The following HEBP1 variants were observed in gnomAD, a reference collection of about 807,000 sequenced individuals.
The protein encoded by HEBP1 is heme-binding protein 1.
Under a neutral mutation model 20.4 loss-of-function variants are expected in HEBP1, and 13 were observed. The ratio of observed to expected loss-of-function variants is 0.64; its 90% CI spans 0.42 to 1.01. The LOEUF (loss-of-function observed/expected upper bound fraction) is 1.01, where lower values mean the gene tolerates loss of function less well. Among genes scored for constraint, HEBP1 ranks in the 50% least tolerant of loss-of-function variants. The pLI is 0.00. For missense variants in HEBP1, 241 were observed against 247.3 expected (o/e 0.97, Z 0.17); for synonymous variants, 92 against 90.7 (o/e 1.01, Z -0.08).
chr12:12,987,839 G>A (rs893317278), intron 2 of HEBP1, among the ~76,000 whole-genome samples: 17 of 152,074 alleles, frequency 1.1e-4, no homozygotes, highest in Admixed American at 1.1e-3. Context: ...GTTTTGCCAT[G>A]TTGGCCAGGC....
chr12:12,988,991 T>TA (rs140951661), intron 2 of HEBP1, among the ~76,000 whole-genome samples: 36 of 150,344 alleles, frequency 2.4e-4, no homozygotes, highest in South Asian at 8.5e-4. Context: ...ACTGCAGGGT[T>TA]AAAAAAAAAA....
intron 1 of HEBP1, 101 bp from the exon 2 acceptor site, chr12:12,989,516 A>G: frequency 9.0e-7 from 1 of 1,105,982 alleles, no homozygotes; most frequent in Non-Finnish European, 1.3e-6. Context: ...CTTGGTGGGT[A>G]TGGCCATAGA....
At chr12:12,991,139 C>T (rs1864220180) in intron 1 of HEBP1, among the ~76,000 whole-genome samples, 1 of 152,216 alleles carries the variant, frequency 6.6e-6, no homozygotes, top group South Asian at 2.1e-4. Context: ...CATTACAATT[C>T]CCCTGTCTTG....
Position 12,998,590 on chromosome 12 carries a change from T to C in HEBP1, c.78+1447A>G, listed in dbSNP as rs1483821054. On this transcript the variant is annotated intron_variant, in intron 1 of 3. Transcript: ENST00000014930. This position sits in a 1 kb window ranked among gnomAD's most constrained non-coding sequence, Gnocchi z 4.2. The stretch of plus-strand genomic sequence containing the variant: ...TCAGGGCTAAACTGTTCATTCTACA[T>C]AGAGCTGGGGAAACGGAGATAAGAA... 1.3e-5 allele frequency among the ~76,000 whole-genome samples: 2 copies of C among 152,180 alleles called. No homozygotes were observed. The highest frequency in any genetic ancestry group is 6.5e-5 in the Admixed American group (1 of 15,286).
chr12:12,982,209 A>G (rs1864094601), intron 3 of HEBP1, among the ~76,000 whole-genome samples: 2 of 152,230 alleles, frequency 1.3e-5, no homozygotes, highest in South Asian at 4.1e-4. Flanking sequence ...GGAGAGGGCA[A>G]TAAATAAATG....
intron 1 of HEBP1, among the ~76,000 whole-genome samples, chr12:12,995,061 T>C (rs1864274344): frequency 1.3e-5 from 2 of 152,212 alleles, no homozygotes; most frequent in South Asian, 2.1e-4. Flanking sequence ...TTTCCTTTGA[T>C]GCCATGGTCA....
Position 13,000,131 on chromosome 12 carries a change from T to C in HEBP1, c.-17A>G. On this transcript the variant is annotated 5_prime_UTR_variant, in exon 1 of 4. Transcript: ENST00000014930. Reference sequence around the variant, plus strand: ...GCCCAACATGTTGTAGCCGAGACGCTCCCGACGCACGGGAGGACGTGAGGT... The same window carrying C: ...GCCCAACATGTTGTAGCCGAGACGCCCCCGACGCACGGGAGGACGTGAGGT... The C allele has an allele frequency of 6.3e-7, 1 of 1,589,380 alleles. No individual in the cohort carries two copies. Among genetic ancestry groups the C allele is most frequent in the South Asian group, 1.1e-5 (1 of 88,056 alleles).
At position 12,996,663 on chromosome 12, in the gene HEBP1, G is replaced by A. The variant is rs767200416; in HGVS notation, c.78+3374C>T. Among the ~76,000 whole-genome samples, 9 of 151,186 alleles carry A rather than the reference G, an allele frequency of 6.0e-5. No homozygotes were observed. Among genetic ancestry groups the A allele is most frequent in the Non-Finnish European group, 5.9e-5 (4 of 67,798 alleles). ...TGTTTGTATATTTAAAAAAAAAAAG[G>A]TTTACAAGTATCTATGCATAATTAA... On this transcript the variant is annotated intron_variant, in intron 1 of 3. Coordinates refer to ENST00000014930, the MANE Select transcript of HEBP1 (RefSeq NM_015987.5). This position sits in a 1 kb window ranked among gnomAD's most constrained non-coding sequence, Gnocchi z 4.1.
At chr12:12,981,002 G>T (rs540684446) in intron 3 of HEBP1, among the ~76,000 whole-genome samples, 7 of 152,246 alleles carry the variant, frequency 4.6e-5, no homozygotes, top group Non-Finnish European at 1.0e-4. Context: ...TAGGCAGGTG[G>T]TGATAAAAGG....
intron 1 of HEBP1, among the ~76,000 whole-genome samples, chr12:12,999,203 G>A (rs1361311283): frequency 6.6e-6 from 1 of 152,184 alleles, no homozygotes; most frequent in Admixed American, 6.5e-5. Flanking sequence ...TACCTGAAAC[G>A]GTGGACAAAA....
chr12:13,000,193 G>C lies in HEBP1; in HGVS notation c.-79C>G. The C allele has an allele frequency of 3.9e-6, 1 of 255,834 alleles. No individual in the cohort carries two copies. The highest frequency in any genetic ancestry group is 6.8e-6 in the Non-Finnish European group (1 of 146,780). 15.8% of individuals were successfully genotyped at this position (255,834 alleles called of 1,614,324 possible). ...CGGAGCACCACGGGCAGCGACCACC[G>C]GCGGCAGGGCGGCAGGGCGGCAGGG... On this transcript the variant is annotated 5_prime_UTR_variant, in exon 1 of 4. Coordinates refer to ENST00000014930, the MANE Select transcript of HEBP1 (RefSeq NM_015987.5).
At chr12:12,975,538 A>T (rs1487363976) in intron 3 of HEBP1, 59 bp from the exon 4 acceptor site, 68 of 1,468,772 alleles carry the variant, frequency 4.6e-5, no homozygotes, top group Non-Finnish European at 6.2e-5. Context: ...GAGAGGGGGG[A>T]TCTTTAGAAA....
At chr12:12,975,642 C>A (rs1024092381) in intron 3 of HEBP1, among the ~76,000 whole-genome samples, 163 bp from the exon 4 acceptor site, 1 of 152,212 alleles carries the variant, frequency 6.6e-6, no homozygotes, top group African/African-American at 2.4e-5. Context: ...TTTTACCTCT[C>A]TGAGCCTCAG....
intron 2 of HEBP1, among the ~76,000 whole-genome samples, chr12:12,988,936 G>A (rs894556476): frequency 6.6e-6 from 1 of 152,072 alleles, no homozygotes; most frequent in African/African-American, 2.4e-5. Context: ...TCAGCTTACT[G>A]TGGGCACACG....
chr12:12,991,591 TA>T (rs1165144925), intron 1 of HEBP1, among the ~76,000 whole-genome samples: 3 of 152,242 alleles, frequency 2.0e-5, no homozygotes, highest in African/African-American at 7.2e-5. Flanking sequence ...ATTGCTCATA[TA>T]ATTTAATTTT....
intron 2 of HEBP1, among the ~76,000 whole-genome samples, chr12:12,987,612 T>TCTCTTTTTCTC (rs1230851526): frequency 8.5e-6 from 1 of 117,786 alleles, no homozygotes; most frequent in Non-Finnish European, 1.7e-5. Context: ...CTCTCTCTCT[T>TCTCTTTTTCTC]TCTCTCTCTC....
intron 3 of HEBP1, chr12:12,977,420 T>C (rs1864004198): frequency 6.6e-6 from 1 of 152,188 alleles, no homozygotes; most frequent in Admixed American, 6.5e-5. Flanking sequence ...TCTAACGAAA[T>C]ACCATGTAGC....
intron 1 of HEBP1, among the ~76,000 whole-genome samples, chr12:12,991,251 G>C (rs1188664014): frequency 6.6e-6 from 1 of 152,180 alleles, no homozygotes; most frequent in Non-Finnish European, 1.5e-5. Context: ...TTGCTGTATT[G>C]CTATTATTAT....
At chr12:12,985,492 A>G (rs73287266) in intron 3 of HEBP1, among the ~76,000 whole-genome samples, 4,467 of 152,130 alleles carry the variant, frequency 0.029, 225 homozygotes, top group African/African-American at 0.1. Flanking sequence ...GTTAAAGACA[A>G]AAGAAAAAAA....
Sources: gnomAD v4.1 joint callset for allele counts (sites outside exome capture counted in the v4.1 genomes callset) on GRCh38, gnomAD v4.1.1 for gene constraint, Gnocchi (gnomAD v3.1) non-coding constraint, MANE v1.5 for transcripts, NCBI Gene and HGNC (gene_info 2026-07-23, HGNC 2026-07-21) for gene names.